The following TMEM260 variants were observed in gnomAD, a reference collection of about 807,000 sequenced individuals.
TMEM260 encodes transmembrane protein 260.
TMEM260 carries 82 observed loss-of-function variants against 88.9 expected under a neutral mutation model. That is an observed-to-expected ratio of 0.92 (90% confidence interval 0.77 to 1.11). The LOEUF is 1.11. Ranked by LOEUF, TMEM260 falls within the 50% of genes least tolerant of loss-of-function variation. TMEM260 has a pLI of 0.00. For missense variants in TMEM260, 902 were observed against 853.4 expected (o/e 1.06, Z -0.71); for synonymous variants, 314 against 309.3 (o/e 1.02, Z -0.16).
At chr14:56,651,625 A>G (rs2139669112), downstream of TMEM260, among the ~76,000 whole-genome samples, 1 of 152,370 alleles carries the variant, frequency 6.6e-6, no homozygotes, top group African/African-American at 2.4e-5. Context: ...GTCAAGACAC[A>G]AAGGCACAAT....
Position 56,597,326 on chromosome 14 carries a change from A to G in TMEM260, c.345-6489A>G, listed in dbSNP as rs375181532. On this transcript the variant is annotated intron_variant, in intron 3 of 15. Transcript: ENST00000261556. ...ATGTTCAACTGATATGTGTTCTTCAAATATTCCAAAATCTGAAAAAATCCA... is the reference window on the plus strand; with the variant it reads ...ATGTTCAACTGATATGTGTTCTTCAGATATTCCAAAATCTGAAAAAATCCA... Among the ~76,000 whole-genome samples, 35 of 152,326 alleles carry G rather than the reference A, an allele frequency of 2.3e-4. 1 individual carries two copies. The highest frequency in any genetic ancestry group is 8.3e-4 in the South Asian group (4 of 4,824).
At chr14:56,605,737 T>G in intron 5 of TMEM260, 54 bp downstream of exon 5, 2 of 1,106,312 alleles carry the variant, frequency 1.8e-6, no homozygotes, top group Non-Finnish European at 2.6e-6. Context: ...AGGTCTAATA[T>G]AACATTTTTG....
Position 56,647,454 on chromosome 14 carries a change from TAAGAA to T in TMEM260, c.2087_2091del (p.Lys696ThrfsTer7), listed in dbSNP as rs568247949. On this transcript the variant is annotated frameshift_variant, in exon 16 of 16. Coordinates refer to ENST00000261556, the MANE Select transcript of TMEM260 (RefSeq NM_017799.4). LOFTEE classifies it high-confidence loss of function. ...GATATTTTAGGTGCTCTAAAGCACC[TAAGAA>T]AAGAACTGCAAAGTCTGAGAAATAG... The T allele has an allele frequency of 1.2e-4, 194 of 1,612,166 alleles. No homozygotes were observed. The African/African-American group carries it at 2.1e-3, about 18-fold the overall frequency.
chr14:56,633,572 T>G (rs947833198), intron 13 of TMEM260: 1 of 152,650 alleles, frequency 6.6e-6, no homozygotes, highest in African/African-American at 2.4e-5. Flanking sequence ...AACTTGTCAT[T>G]TTTTTTTTTC....
At position 56,621,197 on chromosome 14, in the gene TMEM260, C is replaced by T. The variant is rs539139059; in HGVS notation, c.1227-334C>T. On this transcript the variant is annotated intron_variant, in intron 10 of 15. Transcript: ENST00000261556. ...ATGAACATAAAATTGCCTTAAACTC[C>T]AAGTGGAATCAGAAATCTTACTTTC... 2.0e-5 allele frequency among the ~76,000 whole-genome samples: 3 copies of T among 152,258 alleles called. No individual in the cohort carries two copies. In the East Asian group the frequency reaches 5.8e-4, roughly 29 times the overall value.
downstream of TMEM260, among the ~76,000 whole-genome samples, chr14:56,653,326 A>G (rs112473751): frequency 1.9e-4 from 29 of 152,314 alleles, no homozygotes; most frequent in African/African-American, 6.5e-4. Flanking sequence ...TATAACATAT[A>G]TGTCATATAT....
At chr14:56,621,177 C>T (rs1395258751) in intron 10 of TMEM260, among the ~76,000 whole-genome samples, 2 of 152,114 alleles carry the variant, frequency 1.3e-5, no homozygotes, top group Non-Finnish European at 2.9e-5. Context: ...ATGGAATGAA[C>T]ATAAAATTGC....
At chr14:56,655,838 A>G in the TMEM260 span, among the ~76,000 whole-genome samples, 3 of 152,142 alleles carry the variant, frequency 2.0e-5, no homozygotes, top group Non-Finnish European at 4.4e-5. Flanking sequence ...CCTTCATCTC[A>G]TCTCTTAAAG....
intron 8 of TMEM260, among the ~76,000 whole-genome samples, chr14:56,616,754 ATTT>A (rs1331052550): frequency 6.6e-6 from 1 of 152,074 alleles, no homozygotes; most frequent in Non-Finnish European, 1.5e-5. Flanking sequence ...GATTATTAAT[ATTT>A]TTAAGGCTTC....
intron 3 of TMEM260, among the ~76,000 whole-genome samples, chr14:56,601,486 A>C (rs1886572927): frequency 6.6e-6 from 1 of 152,110 alleles, no homozygotes; most frequent in African/African-American, 2.4e-5. Flanking sequence ...AGTTTTCACC[A>C]CCGTAAAGTT....
chr14:56,609,317 A>C, intron 6 of TMEM260, 32 bp downstream of exon 6: 1 of 1,597,000 alleles, frequency 6.3e-7, no homozygotes, highest in Non-Finnish European at 8.6e-7. Context: ...TTCTAAGGAA[A>C]CAAGTGGCAA....
At chr14:56,612,195 A>C in intron 6 of TMEM260, 50 bp from the exon 7 acceptor site, 1 of 1,505,378 alleles carries the variant, frequency 6.6e-7, no homozygotes. Flanking sequence ...TAGCCTAATA[A>C]AGCGTCAGTT....
At chr14:56,637,947 A>G (rs990705840) in intron 15 of TMEM260, among the ~76,000 whole-genome samples, 1 of 151,992 alleles carries the variant, frequency 6.6e-6, no homozygotes, top group Admixed American at 6.5e-5. Context: ...AGAGGCACAC[A>G]AGGGTGCTAC....
At position 56,608,189 on chromosome 14, in the gene TMEM260, A is replaced by C. The variant is rs28610502; in HGVS notation, c.637-917A>C. Reference sequence around the variant, plus strand: ...TATTTGAAAATGCTAACATAAATCAACTGCTTGTTCTACTTCTAGTGAATG... The same window carrying C: ...TATTTGAAAATGCTAACATAAATCACCTGCTTGTTCTACTTCTAGTGAATG... On this transcript the variant is annotated intron_variant, in intron 5 of 15. Transcript: ENST00000261556. 9.3e-3 allele frequency among the ~76,000 whole-genome samples: 1,411 copies of C among 152,288 alleles called. 26 individuals are homozygous for C. Among genetic ancestry groups the C allele is most frequent in the African/African-American group, 0.032 (1,351 of 41,570 alleles).
downstream of TMEM260, among the ~76,000 whole-genome samples, chr14:56,655,582 T>C (rs1045119704): frequency 7.2e-5 from 11 of 152,118 alleles, no homozygotes; most frequent in African/African-American, 2.4e-4. Flanking sequence ...TCTCTTTCAC[T>C]TGTCCCTTGC....
intron 5 of TMEM260, among the ~76,000 whole-genome samples, chr14:56,606,573 A>G (rs1886915106): frequency 6.6e-6 from 1 of 152,224 alleles, no homozygotes; most frequent in Non-Finnish European, 1.5e-5. Flanking sequence ...CAGAGGTTAT[A>G]AAATTTTTAC....
chr14:56,604,216 TG>T (rs897258773), intron 4 of TMEM260, among the ~76,000 whole-genome samples: 7 of 152,144 alleles, frequency 4.6e-5, no homozygotes, highest in Non-Finnish European at 7.4e-5. Context: ...AAAAGTTTTT[TG>T]GAGAATTAGA....
rs895076826 is a variant in TMEM260 at position 56,612,259 on chromosome 14, A to G, written c.831A>G (p.Ile277Met). The change falls in exon 7 of 16, where the codon ATA becomes ATG. Residue 277 changes from isoleucine (I) to methionine (M), a missense_variant. By Grantham distance (10) the Ile-to-Met change is conservative. Coordinates refer to ENST00000261556, the MANE Select transcript of TMEM260 (RefSeq NM_017799.4). Reference sequence around the variant, plus strand: ...TTTGTGTTTAGGCCAAATCTGAAATAGGATCCAGTATGTCTGAAATACTGC... The same window carrying G: ...TTTGTGTTTAGGCCAAATCTGAAATGGGATCCAGTATGTCTGAAATACTGC... ...YGTFSLAKSE[I>M]GSSMSEILLS... 1.9e-6 allele frequency: 3 copies of G among 1,613,546 alleles called. No individual in the cohort carries two copies. Among genetic ancestry groups the G allele is most frequent in the Admixed American group, 1.7e-5 (1 of 60,008 alleles).
chr14:56,655,534 C>G (rs1890285626), downstream of TMEM260, among the ~76,000 whole-genome samples: 1 of 152,166 alleles, frequency 6.6e-6, no homozygotes, highest in African/African-American at 2.4e-5. Flanking sequence ...TATAGATTAC[C>G]TATTTCACAG....
Sources: gnomAD v4.1 joint callset for allele counts (sites outside exome capture counted in the v4.1 genomes callset) on GRCh38, gnomAD v4.1.1 for gene constraint, MANE v1.5 for transcripts, NCBI Gene and HGNC (gene_info 2026-07-23, HGNC 2026-07-21) for gene names.